Variants in ADAMTSL3 observed in about 807,000 individuals in gnomAD.
The protein encoded by ADAMTSL3 is ADAMTS like 3.
ADAMTSL3 carries 128 observed loss-of-function variants against 201.7 expected under a neutral mutation model. The observed-to-expected ratio is 0.63, with a 90% CI of 0.55 to 0.73. ADAMTSL3 has a LOEUF of 0.73. ADAMTSL3 is among the 30% of genes least tolerant of loss of function. ADAMTSL3 has a pLI of 0.00. For synonymous variants in ADAMTSL3, 738 were observed against 748.4 expected (o/e 0.99, Z 0.23); for missense variants, 1,990 against 2,119.6 (o/e 0.94, Z 1.20).
At chr15:83,780,419 A>C (rs1431158296) in intron 4 of ADAMTSL3, among the ~76,000 whole-genome samples, 1 of 150,978 alleles carries the variant, frequency 6.6e-6, no homozygotes, top group East Asian at 2.0e-4. Context: ...AAAAAAAAAA[A>C]AAAACAAACT....
chr15:83,974,393 A>G (rs375558082), intron 20 of ADAMTSL3, among the ~76,000 whole-genome samples: 76 of 152,302 alleles, frequency 5.0e-4, no homozygotes, highest in African/African-American at 1.8e-3. Context: ...AATACCTATA[A>G]AGTGCTTCGA....
At chr15:83,988,148 T>G (rs1180498718) in intron 21 of ADAMTSL3, among the ~76,000 whole-genome samples, 2 of 152,166 alleles carry the variant, frequency 1.3e-5, no homozygotes, top group East Asian at 1.9e-4. Context: ...CTTAACAGCA[T>G]GGTCCAAATC....
At position 83,858,834 on chromosome 15, in the gene ADAMTSL3, C is replaced by T. The variant is rs1220799524; in HGVS notation, c.796C>T (p.His266Tyr). ...SVRITVKGPA[H>Y]LFIESKTLQG... is the part of the protein sequence containing the mutation. ...GAGAATTACAGTGAAAGGACCTGCC[C>T]ACCTCTGTAAGTAGAATTTAATCTT... Residue 266 changes from histidine to tyrosine, a missense_variant, in exon 8 of 30, where the codon CAC (histidine) becomes TAC (tyrosine). Coordinates refer to ENST00000286744, the MANE Select transcript of ADAMTSL3 (RefSeq NM_207517.3). 6.2e-7 allele frequency: 1 copy of T among 1,608,900 alleles called. No individual in the cohort carries two copies. Among genetic ancestry groups the T allele is most frequent in the Admixed American group, 1.7e-5 (1 of 59,752 alleles).
chr15:84,016,487 C>A lies in ADAMTSL3; in HGVS notation c.4261C>A (p.Pro1421Thr), dbSNP rs762247699. Residue 1421 changes from proline (P) to threonine (T), a missense_variant, in exon 25 of 30, where the codon CCC becomes ACC. Pro to Thr is a conservative substitution (Grantham distance 38). Transcript: ENST00000286744. ...RTNSNDPTGE[P>T]PPQEPFWEPG... Reference sequence around the variant, plus strand: ...CAACAGCAATGACCCAACAGGAGAACCCCCGCCTCAAGGTCTGGGATTTTG... The same window carrying A: ...CAACAGCAATGACCCAACAGGAGAAACCCCGCCTCAAGGTCTGGGATTTTG... 2 of 1,613,526 alleles carry A rather than the reference C, an allele frequency of 1.2e-6. No individual in the cohort carries two copies. Among genetic ancestry groups the A allele is most frequent in the Non-Finnish European group, 1.7e-6 (2 of 1,179,602 alleles).
At chr15:83,962,628 C>T (rs572212200) in intron 19 of ADAMTSL3, 2 of 152,190 alleles carry the variant, frequency 1.3e-5, no homozygotes, top group South Asian at 4.2e-4. Flanking sequence ...CTATATATGG[C>T]AGTTTGGGTG....
At chr15:83,672,143 G>A (rs1244387533) in intron 2 of ADAMTSL3, among the ~76,000 whole-genome samples, 1 of 152,124 alleles carries the variant, frequency 6.6e-6, no homozygotes, top group Admixed American at 6.5e-5. Context: ...CCAAATAGAA[G>A]TGACCACCCT....
At chr15:83,808,704 T>C (rs1164969520) in intron 5 of ADAMTSL3, among the ~76,000 whole-genome samples, 2 of 152,158 alleles carry the variant, frequency 1.3e-5, no homozygotes, top group Non-Finnish European at 2.9e-5. Context: ...CTATTCACAA[T>C]AGCCAAGGTA....
chr15:83,672,665 C>G (rs544623153), intron 2 of ADAMTSL3, among the ~76,000 whole-genome samples: 54 of 152,272 alleles, frequency 3.5e-4, no homozygotes, highest in African/African-American at 1.3e-3. Context: ...AGTCCAACAC[C>G]CTTTACTGTT....
chr15:83,735,856 C>T (rs889863637), intron 3 of ADAMTSL3, among the ~76,000 whole-genome samples: 3 of 151,928 alleles, frequency 2.0e-5, no homozygotes, highest in African/African-American at 7.3e-5. Flanking sequence ...AAAGAGGCTA[C>T]CAATAAAGTC....
At chr15:83,985,631 C>CT (rs964659936) in intron 21 of ADAMTSL3, among the ~76,000 whole-genome samples, 9 of 151,578 alleles carry the variant, frequency 5.9e-5, no homozygotes, top group South Asian at 2.1e-4. Flanking sequence ...AAAGACATTT[C>CT]TTTTTTTTTC....
chr15:83,786,240 G>A (rs73437271), intron 4 of ADAMTSL3, among the ~76,000 whole-genome samples: 6,148 of 152,164 alleles, frequency 0.04, 378 homozygotes, highest in African/African-American at 0.14. Context: ...GACTTCCAAA[G>A]TGTTGGGATT....
At chr15:83,895,199 G>A (rs554263714) in intron 13 of ADAMTSL3, among the ~76,000 whole-genome samples, 1 of 152,234 alleles carries the variant, frequency 6.6e-6, no homozygotes, top group South Asian at 2.1e-4. Context: ...ATTTTTAAGG[G>A]TCTTTCTACT....
rs1192793702 is a variant in ADAMTSL3, at chr15:84,016,381, A to G, written c.4157-2A>G. 1.9e-6 allele frequency: 3 copies of G among 1,607,978 alleles called. No individual in the cohort carries two copies. Among genetic ancestry groups the G allele is most frequent in the South Asian group, 2.2e-5 (2 of 90,440 alleles). On this transcript the variant is annotated splice_acceptor_variant, in intron 24 of 29. Coordinates refer to ENST00000286744, the MANE Select transcript of ADAMTSL3 (RefSeq NM_207517.3). LOFTEE classifies it high-confidence loss of function. ...AAAAGTGCTACTTTTTTTTTTCCTC[A>G]GAACGAAGATGGCCAGAGAGTAGAA...
chr15:83,819,276 A>AC (rs1206837147), intron 5 of ADAMTSL3, among the ~76,000 whole-genome samples: 1 of 151,836 alleles, frequency 6.6e-6, no homozygotes, highest in Non-Finnish European at 1.5e-5. Context: ...AAAAAAAAAA[A>AC]AAAAAACAAT....
At chr15:83,968,165 A>T (rs1228126397) in intron 19 of ADAMTSL3, among the ~76,000 whole-genome samples, 1 of 152,248 alleles carries the variant, frequency 6.6e-6, no homozygotes, top group African/African-American at 2.4e-5. Context: ...ATGGCAACAA[A>T]AGCCAAAATT....
intron 12 of ADAMTSL3, 60 bp from the exon 13 acceptor site, chr15:83,892,624 C>T: frequency 2.0e-6 from 3 of 1,528,298 alleles, no homozygotes; most frequent in Admixed American, 2.0e-5. Flanking sequence ...TTGCCACCAT[C>T]TTTGCAAACT....
intron 9 of ADAMTSL3, among the ~76,000 whole-genome samples, chr15:83,884,697 A>T (rs1244012544): frequency 6.6e-6 from 1 of 152,214 alleles, no homozygotes; most frequent in Admixed American, 6.5e-5. Context: ...ATATATTATT[A>T]TTAAAAATGT....
intron 4 of ADAMTSL3, among the ~76,000 whole-genome samples, chr15:83,800,912 C>T (rs918840493): frequency 2.0e-5 from 3 of 152,018 alleles, no homozygotes; most frequent in Non-Finnish European, 2.9e-5. Flanking sequence ...TTTGTTCATA[C>T]GTAAAAAGCA....
intron 19 of ADAMTSL3, among the ~76,000 whole-genome samples, chr15:83,954,129 G>A (rs1039895792): frequency 6.6e-6 from 1 of 152,062 alleles, no homozygotes; most frequent in East Asian, 1.9e-4. Flanking sequence ...TACCCCTATC[G>A]CTTTCTCTAC....
Sources: gnomAD v4.1 joint callset for allele counts (sites outside exome capture counted in the v4.1 genomes callset) on GRCh38, gnomAD v4.1.1 for gene constraint, MANE v1.5 for transcripts, NCBI Gene and HGNC (gene_info 2026-07-23, HGNC 2026-07-21) for gene names.